MPRIP: variants seen among roughly 807,000 people sequenced by gnomAD.
The protein encoded by MPRIP is myosin phosphatase Rho-interacting protein.
MPRIP carries 59 observed loss-of-function variants against 234.9 expected under a neutral mutation model. That is an observed-to-expected ratio of 0.25 (90% CI 0.20 to 0.31). The LOEUF is 0.31. Ranked by LOEUF, MPRIP falls within the 10% of genes least tolerant of loss-of-function variation. The pLI is 1.00. For missense variants in MPRIP, 2,436 were observed against 3,071.0 expected (o/e 0.79, Z 4.89); for synonymous variants, 1,144 against 1,263.9 (o/e 0.91, Z 2.01).
chr17:17,174,043 C>T lies in MPRIP; in HGVS notation c.6718C>T (p.Arg2240Cys), dbSNP rs750378837. The change falls in exon 19 of 24, where the codon CGT becomes TGT. Residue 2240 changes from arginine (R) to cysteine (C), a missense_variant. Coordinates refer to ENST00000651222, the MANE Select transcript of MPRIP (RefSeq NM_001364716.4). Reference sequence around the variant, plus strand: ...GCGGCAGGCCCTGCGGCAGTGCCAGCGTGAGAACCAGGAGCTCAATGCCCA... The same window carrying T: ...GCGGCAGGCCCTGCGGCAGTGCCAGTGTGAGAACCAGGAGCTCAATGCCCA... The part of the protein sequence containing the change: ...AERQALRQCQ[R>C]ENQELNAHNQ... 16 of 1,613,288 alleles carry T rather than the reference C, an allele frequency of 9.9e-6. No homozygotes were observed. Among genetic ancestry groups the T allele is most frequent in the Admixed American group, 3.3e-5 (2 of 60,004 alleles).
intron 3 of MPRIP, among the ~76,000 whole-genome samples, chr17:17,110,807 G>C (rs911206639): frequency 1.3e-5 from 2 of 152,114 alleles, no homozygotes; most frequent in African/African-American, 4.8e-5. Flanking sequence ...AAACCATCAA[G>C]GTCACCCAAA....
At chr17:17,072,677 T>C (rs2089225231) in intron 1 of MPRIP, among the ~76,000 whole-genome samples, 1 of 152,088 alleles carries the variant, frequency 6.6e-6, no homozygotes, top group Admixed American at 6.5e-5. Context: ...TGGGGGAGGC[T>C]GCGCAGCCCA....
intron 7 of MPRIP, among the ~76,000 whole-genome samples, chr17:17,140,317 G>A (rs1332227676): frequency 6.6e-6 from 1 of 152,186 alleles, no homozygotes; most frequent in Non-Finnish European, 1.5e-5. Context: ...CCTGGGACAG[G>A]TGCAGTCTCT....
chr17:17,074,128 G>A (rs1318274077), intron 1 of MPRIP, among the ~76,000 whole-genome samples: 1 of 152,224 alleles, frequency 6.6e-6, no homozygotes, highest in African/African-American at 2.4e-5. Flanking sequence ...TAGTGTGGTG[G>A]GGCCTCCTAG....
intron 1 of MPRIP, among the ~76,000 whole-genome samples, chr17:17,050,098 C>T (rs1034569414): frequency 3.9e-5 from 6 of 152,114 alleles, no homozygotes; most frequent in East Asian, 1.9e-4. Context: ...GAGGCCGAGG[C>T]GGGTGGATCA....
chr17:17,150,960 C>T (rs958479400), intron 12 of MPRIP, among the ~76,000 whole-genome samples: 3 of 151,906 alleles, frequency 2.0e-5, no homozygotes, highest in East Asian at 1.9e-4. Context: ...ATCCTTCTAC[C>T]TCAGCCTCCA....
rs1597547976 is a variant in MPRIP at position 17,189,708 on chromosome 17, G to C, written c.*4814G>C. 1 of 152,236 alleles carries C rather than the reference G, an allele frequency of 6.6e-6. No homozygotes were observed. The highest frequency in any genetic ancestry group is 1.9e-4 in the East Asian group (1 of 5,174). 9.4% of individuals were successfully genotyped at this position (152,236 alleles called of 1,614,324 possible). A position where few individuals can be genotyped will look rare whatever the true frequency, so the allele number is the denominator to read the frequency against. On this transcript the variant is annotated 3_prime_UTR_variant, in exon 24 of 24. Transcript: ENST00000651222. ...GGCATGAGATAAAAGTCCTGGCTAG[G>C]GGAGCCATAGGTCTGTTGTACAAGG...
Position 17,042,809 on chromosome 17 carries a change from C to T in MPRIP, c.-40C>T. The T allele has an allele frequency of 7.5e-7, 1 of 1,337,134 alleles. No homozygotes were observed. The highest frequency in any genetic ancestry group is 9.8e-7 in the Non-Finnish European group (1 of 1,020,196). The allele number at this position is 1,337,134 out of a possible 1,614,324, so 82.8% of individuals were successfully genotyped here. On this transcript the variant is annotated 5_prime_UTR_variant, in exon 1 of 24. Transcript: ENST00000651222. ...GCCGGGAGCGCCAGGCCGGCCAGGC[C>T]TGCGCCGCCGCCGCCGCCGCCGTCG...
chr17:17,079,511 G>A (rs1313918293), intron 3 of MPRIP, among the ~76,000 whole-genome samples: 2 of 152,226 alleles, frequency 1.3e-5, no homozygotes, highest in Admixed American at 6.5e-5. Flanking sequence ...CCCTTACACA[G>A]GGAGTAGCCC....
In MPRIP at chr17:17,189,817, C is replaced by A. The variant is rs3826304; in HGVS notation, c.*4923C>A. On this transcript the variant is annotated 3_prime_UTR_variant, in exon 24 of 24. Transcript: ENST00000651222. The stretch of plus-strand genomic sequence containing the variant: ...GTGACACAGGCCAGAGACAACGTTT[C>A]GTTTCCCCTTCCCTGCAAGCTGGGA... The A allele has an allele frequency of 0.043, 6,510 of 152,336 alleles. 238 individuals carry two copies. Among genetic ancestry groups the A allele is most frequent in the East Asian group, 0.12 (643 of 5,186 alleles). 9.4% of individuals were successfully genotyped at this position (152,336 alleles called of 1,614,324 possible).
At chr17:17,168,825 G>A in intron 16 of MPRIP, 1 of 456,656 alleles carries the variant, frequency 2.2e-6, no homozygotes, top group South Asian at 1.6e-5. Context: ...ACGCTCATGT[G>A]GCAGAGCCAG....
At chr17:17,063,969 C>A (rs1420324637) in intron 1 of MPRIP, among the ~76,000 whole-genome samples, 1 of 152,152 alleles carries the variant, frequency 6.6e-6, no homozygotes, top group Non-Finnish European at 1.5e-5. Flanking sequence ...TGGCATGCAT[C>A]CCAGATTTGC....
At chr17:17,063,866 G>A (rs1338047724) in intron 1 of MPRIP, among the ~76,000 whole-genome samples, 1 of 152,230 alleles carries the variant, frequency 6.6e-6, no homozygotes, top group African/African-American at 2.4e-5. Flanking sequence ...ACAACACTGG[G>A]TATAGTAGGC....
In MPRIP at chr17:17,168,580, G is replaced by C. The variant is rs543997227; in HGVS notation, c.6324+665G>C. ...CGCCCCTGAGGTCCTGGAGCACAAA[G>C]GCGAAATGCCAGGCCCTGGAGGTGG... On this transcript the variant is annotated intron_variant, in intron 16 of 23. Coordinates refer to ENST00000651222, the MANE Select transcript of MPRIP (RefSeq NM_001364716.4). 51 of 343,736 alleles carry C rather than the reference G, an allele frequency of 1.5e-4. No homozygotes were observed. The East Asian group carries it at 3.7e-3, about 25-fold the overall frequency. 21.3% of individuals were successfully genotyped at this position (343,736 alleles called of 1,614,324 possible). A position where few individuals can be genotyped will look rare whatever the true frequency, so the allele number is the denominator to read the frequency against.
intron 13 of MPRIP, among the ~76,000 whole-genome samples, chr17:17,155,626 A>G (rs1315006693): frequency 6.6e-6 from 1 of 152,128 alleles, no homozygotes; most frequent in Non-Finnish European, 1.5e-5. Flanking sequence ...GAACTCCTAA[A>G]TTGATTTCTT....
rs759203565 is a variant in MPRIP, at chr17:17,171,874, GT to G, written c.6472+10del. ...AGCGGCCACCATCTCAGGTTGGGGG[GT>G]GGGGTAACCCTGAGGGCAGGGTGGG... On this transcript the variant is annotated intron_variant, in intron 17 of 23. Transcript: ENST00000651222. 4 of 1,611,734 alleles carry G rather than the reference GT, an allele frequency of 2.5e-6. No homozygotes were observed. The highest frequency in any genetic ancestry group is 8.5e-7 in the Non-Finnish European group (1 of 1,179,282).
rs1011868576 is a variant in MPRIP at position 17,042,766 on chromosome 17, G to T, written c.-83G>T. ...GGCCGGCGAGGGATGCGGCGCGGCC[G>T]CGCTGAGCCCCTAGCCCGCCGGGAG... is the stretch of plus-strand genomic sequence containing the variant. On this transcript the variant is annotated 5_prime_UTR_variant, in exon 1 of 24. Coordinates refer to ENST00000651222, the MANE Select transcript of MPRIP (RefSeq NM_001364716.4). The T allele has an allele frequency of 1.0e-4, 98 of 980,142 alleles. 1 individual carries two copies. The East Asian group carries it at 1.8e-3, about 18-fold the overall frequency. The allele number at this position is 980,142 out of a possible 1,614,324, so 60.7% of individuals were successfully genotyped here. A position where few individuals can be genotyped will look rare whatever the true frequency, so the allele number is the denominator to read the frequency against.
At chr17:17,172,196 C>G (rs1041347908) in intron 17 of MPRIP, among the ~76,000 whole-genome samples, 2 of 152,270 alleles carry the variant, frequency 1.3e-5, no homozygotes, top group African/African-American at 4.8e-5. Flanking sequence ...TGACAGACAC[C>G]TGTCAACGTG....
intron 23 of MPRIP, chr17:17,180,564 T>C (rs376155583): frequency 6.4e-7 from 1 of 1,574,200 alleles, no homozygotes; most frequent in Non-Finnish European, 8.7e-7. Flanking sequence ...CGCGTGTGTT[T>C]GGGATTGGTT....
Sources: allele counts gnomAD v4.1 joint callset (sites outside exome capture counted in the v4.1 genomes callset), GRCh38; gene constraint gnomAD v4.1.1; transcripts MANE v1.5; gene names NCBI Gene and HGNC (gene_info 2026-07-23, HGNC 2026-07-21).